The following VAX2 variants were observed in gnomAD, a reference collection of about 807,000 sequenced individuals.
The protein encoded by VAX2 is ventral anterior homeobox 2.
Under a neutral mutation model 12.5 loss-of-function variants are expected in VAX2, and 8 were observed. That is an observed-to-expected ratio of 0.64 (90% CI 0.37 to 1.15). VAX2 has a LOEUF of 1.15. Ranked by LOEUF, VAX2 falls within the 50% of genes most tolerant of loss-of-function variation. The pLI is 0.01. For missense variants in VAX2, 476 were observed against 412.9 expected, an observed-to-expected ratio of 1.15 and a Z score of -1.32; for synonymous variants, 183 against 187.6, an observed-to-expected ratio of 0.98 and a Z score of 0.20.
At chr2:70,929,222 C>T (rs1679637204) in intron 2 of VAX2, among the ~76,000 whole-genome samples, 1 of 152,228 alleles carries the variant, frequency 6.6e-6, no homozygotes. Context: ...GTCCCCTCTT[C>T]AGGGAGGCTG....
At chr2:70,918,886 T>C (rs1679373499) in intron 1 of VAX2, among the ~76,000 whole-genome samples, 1 of 137,272 alleles carries the variant, frequency 7.3e-6, no homozygotes, top group African/African-American at 2.8e-5. Context: ...AAAAAAAGAA[T>C]TACCAACTGA....
intron 1 of VAX2, among the ~76,000 whole-genome samples, chr2:70,916,596 C>T (rs1314442839): frequency 2.0e-5 from 3 of 152,110 alleles, no homozygotes; most frequent in African/African-American, 7.2e-5. Context: ...ATTTTGTTAC[C>T]TTTATATTAA....
intron 1 of VAX2, among the ~76,000 whole-genome samples, chr2:70,902,810 G>A (rs1200264057): frequency 1.3e-5 from 2 of 152,256 alleles, no homozygotes; most frequent in Admixed American, 6.5e-5. Flanking sequence ...AGATGGGCTT[G>A]CACTGGATGT....
At chr2:70,903,351 G>A (rs1437969886) in intron 1 of VAX2, among the ~76,000 whole-genome samples, 2 of 152,238 alleles carry the variant, frequency 1.3e-5, no homozygotes, top group South Asian at 2.1e-4. Context: ...CCTTTCTTGG[G>A]GAGGCCTCAC....
At chr2:70,911,958 G>A (rs782545878) in intron 1 of VAX2, among the ~76,000 whole-genome samples, 11 of 151,980 alleles carry the variant, frequency 7.2e-5, no homozygotes, top group African/African-American at 2.4e-4. Flanking sequence ...TCAATTTTTA[G>A]AGCTTTTATT....
At chr2:70,927,491 G>A (rs573485848) in intron 2 of VAX2, among the ~76,000 whole-genome samples, 4 of 150,724 alleles carry the variant, frequency 2.7e-5, no homozygotes, top group Admixed American at 1.3e-4. Context: ...CCTTCCTAGT[G>A]CAGATTACAA....
chr2:70,911,000 G>A (rs1553411175), intron 1 of VAX2, among the ~76,000 whole-genome samples: 1 of 151,724 alleles, frequency 6.6e-6, no homozygotes, highest in African/African-American at 2.4e-5. Flanking sequence ...TAAAATGTTT[G>A]CTACCAAAAA....
intron 1 of VAX2, among the ~76,000 whole-genome samples, chr2:70,916,873 T>A (rs555695224): frequency 9.7e-4 from 147 of 152,204 alleles, no homozygotes; most frequent in African/African-American, 3.5e-3. Flanking sequence ...TGGGCTGAAA[T>A]GGGATTACAG....
At chr2:70,917,374 A>G (rs782050327) in intron 1 of VAX2, among the ~76,000 whole-genome samples, 1 of 151,890 alleles carries the variant, frequency 6.6e-6, no homozygotes, top group African/African-American at 2.4e-5. Context: ...TTTCCCTAGA[A>G]TAAATGCCCA....
chr2:70,929,201 C>T (rs951895775), intron 2 of VAX2, among the ~76,000 whole-genome samples: 1 of 152,204 alleles, frequency 6.6e-6, no homozygotes, highest in African/African-American at 2.4e-5. Context: ...TTACTGATAT[C>T]TTCTTCAAAT....
chr2:70,932,374 C>T (rs898289790), intron 2 of VAX2, among the ~76,000 whole-genome samples: 6 of 152,072 alleles, frequency 3.9e-5, no homozygotes. Flanking sequence ...TTGGAATTAC[C>T]AGCACATAAA....
At chr2:70,922,968 G>A (rs1375540119) in intron 2 of VAX2, among the ~76,000 whole-genome samples, 2 of 152,176 alleles carry the variant, frequency 1.3e-5, no homozygotes, top group African/African-American at 4.8e-5. Context: ...CAGGCACCTT[G>A]CCCTCTTCCC....
intron 1 of VAX2, among the ~76,000 whole-genome samples, chr2:70,917,105 C>G (rs372676072): frequency 1.4e-5 from 2 of 146,256 alleles, no homozygotes; most frequent in Non-Finnish European, 3.0e-5. Flanking sequence ...GAGCCGAGAT[C>G]GCGCCACTGC....
chr2:70,904,915 A>G lies in VAX2; in HGVS notation c.247+4047A>G, dbSNP rs945103883. 4.6e-5 allele frequency among the ~76,000 whole-genome samples: 7 copies of G among 152,320 alleles called. 1 individual carries two copies. Among genetic ancestry groups the G allele is most frequent in the Middle Eastern group, 3.4e-3 (1 of 294 alleles). On this transcript the variant is annotated intron_variant, in intron 1 of 2. Coordinates refer to ENST00000234392, the MANE Select transcript of VAX2 (RefSeq NM_012476.3). The surrounding 1 kb of genome is among the most constrained non-coding windows in gnomAD (Gnocchi z 4.2). Reference sequence around the variant, plus strand: ...AGTCCGAACTCGTACACACAGCACAATGGCGTGCAGCCGCCGGGGCCCTAA... The same window carrying G: ...AGTCCGAACTCGTACACACAGCACAGTGGCGTGCAGCCGCCGGGGCCCTAA...
intron 2 of VAX2, among the ~76,000 whole-genome samples, chr2:70,927,714 C>T (rs1679604926): frequency 6.6e-6 from 1 of 152,116 alleles, no homozygotes; most frequent in Admixed American, 6.5e-5. Flanking sequence ...CTGTGCCCAT[C>T]TCCTGGTGCG....
rs13417492 is a variant in VAX2, at chr2:70,924,965, G to A, written c.435+3680G>A. ...GGGAAGGCCTCTTTGAGAAGATGACGTTGAGCTTAGGCCTGAGTGGCAAGG... is the reference window on the plus strand; with the variant it reads ...GGGAAGGCCTCTTTGAGAAGATGACATTGAGCTTAGGCCTGAGTGGCAAGG... On this transcript the variant is annotated intron_variant, in intron 2 of 2. Transcript: ENST00000234392. Among the ~76,000 whole-genome samples, 656 of 152,284 alleles carry A rather than the reference G, an allele frequency of 4.3e-3. 2 individuals are homozygous for A. Among genetic ancestry groups the A allele is most frequent in the African/African-American group, 0.015 (622 of 41,550 alleles).
In VAX2 at chr2:70,904,920, G is replaced by T. The variant is rs567069908; in HGVS notation, c.247+4052G>T. On this transcript the variant is annotated intron_variant, in intron 1 of 2. Transcript: ENST00000234392. This position sits in a 1 kb window ranked among gnomAD's most constrained non-coding sequence, Gnocchi z 4.2. The stretch of plus-strand genomic sequence containing the variant: ...GAACTCGTACACACAGCACAATGGC[G>T]TGCAGCCGCCGGGGCCCTAACTCCC... Among the ~76,000 whole-genome samples the T allele has an allele frequency of 3.9e-5, 6 of 152,322 alleles. No homozygotes were observed. In the South Asian group the frequency reaches 8.3e-4, roughly 21 times the overall value.
chr2:70,921,092 C>T lies in VAX2; in HGVS notation c.248-6C>T, dbSNP rs1279606341. ...ACTAAGCTGGCTCCTTTCATGGCCT[C>T]TGCAGATGCCAAAGGGACAATTCGG... On this transcript the variant is annotated splice_region_variant and splice_polypyrimidine_tract_variant and intron_variant, in intron 1 of 2. Transcript: ENST00000234392. 6.3e-7 allele frequency: 1 copy of T among 1,584,902 alleles called. No homozygotes were observed. The highest frequency in any genetic ancestry group is 1.4e-5 in the African/African-American group (1 of 73,996).
In VAX2 at chr2:70,921,282, C is replaced by G; in HGVS notation, c.432C>G (p.Thr144=). The G allele has an allele frequency of 6.2e-7, 1 of 1,606,958 alleles. No homozygotes were observed. Among genetic ancestry groups the G allele is most frequent in the South Asian group, 1.1e-5 (1 of 89,984 alleles). The stretch of plus-strand genomic sequence containing the variant: ...CCCGCCAGCTGAACCTCTCCGAGAC[C>G]CAGGTAAGAGACCAGGGCCAGGCCA... ...ELARQLNLSE[T]QVKVWFQNRR... The change falls in exon 2 of 3, where the codon ACC becomes ACG. Residue 144 remains threonine (T), a synonymous_variant. Transcript: ENST00000234392.
Sources: gnomAD v4.1 joint callset for allele counts (sites outside exome capture counted in the v4.1 genomes callset) on GRCh38, gnomAD v4.1.1 for gene constraint, Gnocchi (gnomAD v3.1) non-coding constraint, MANE v1.5 for transcripts, NCBI Gene and HGNC (gene_info 2026-07-23, HGNC 2026-07-21) for gene names.